HSPBAP1: variants seen among roughly 807,000 people sequenced by gnomAD.
The protein encoded by HSPBAP1 is HSPB1 associated protein 1.
In HSPBAP1, 27 loss-of-function variants were observed where a neutral mutation model predicts 45.2. The observed-to-expected ratio is 0.60, with a 90% CI of 0.44 to 0.82. HSPBAP1 has a LOEUF of 0.82. Ranked by LOEUF, HSPBAP1 falls within the 40% of genes least tolerant of loss-of-function variation. HSPBAP1 has a pLI of 0.00. For missense variants in HSPBAP1, 510 were observed against 590.9 expected (o/e 0.86, Z 1.42); for synonymous variants, 204 against 202.7 (o/e 1.01, Z -0.06).
At chr3:122,749,088 G>A (rs958525987) in intron 6 of HSPBAP1, among the ~76,000 whole-genome samples, 1 of 151,492 alleles carries the variant, frequency 6.6e-6, no homozygotes, top group African/African-American at 2.4e-5. Context: ...TATGCACTTT[G>A]TACATATAAG....
At chr3:122,765,580 CAA>C (rs58965358) in intron 3 of HSPBAP1, among the ~76,000 whole-genome samples, 10 of 58,786 alleles carry the variant, frequency 1.7e-4, no homozygotes, top group Non-Finnish European at 7.4e-5. Context: ...GACTCTGTCT[CAA>C]AAAAAAAAAA....
chr3:122,773,293 A>G (rs1935066402), intron 2 of HSPBAP1, among the ~76,000 whole-genome samples: 1 of 149,766 alleles, frequency 6.7e-6, no homozygotes, highest in African/African-American at 2.5e-5. Context: ...ACCAGCAATC[A>G]AATAAATGTG....
In HSPBAP1 at chr3:122,792,591, C is replaced by T. The variant is rs1218828387; in HGVS notation, c.64+1026G>A. ...TTTTCTGCTCCCTGACTTCCTGAAC[C>T]CCAGCACCACTCCCTGAGTTTGTCA... On this transcript the variant is annotated intron_variant, in intron 1 of 7. Transcript: ENST00000306103. 3.9e-5 allele frequency among the ~76,000 whole-genome samples: 6 copies of T among 152,058 alleles called. 1 individual carries two copies. Among genetic ancestry groups the T allele is most frequent in the Admixed American group, 3.9e-4 (6 of 15,258 alleles).
intron 5 of HSPBAP1, chr3:122,753,541 T>C (rs1332468774): frequency 6.1e-6 from 6 of 984,574 alleles, no homozygotes; most frequent in Admixed American, 6.2e-5. Context: ...TAGGAAGGTA[T>C]AATAAACAAA....
At chr3:122,787,386 A>T (rs776191820) in intron 1 of HSPBAP1, among the ~76,000 whole-genome samples, 20 of 152,220 alleles carry the variant, frequency 1.3e-4, no homozygotes, top group Non-Finnish European at 2.5e-4. Context: ...TTTGTATCTG[A>T]GATTTAGACT....
In HSPBAP1 at chr3:122,771,957, C is replaced by G. The variant is rs142102617; in HGVS notation, c.251-3075G>C. ...TCTAACTAGAAAACCCACAAGACAA[C>G]AAAAAACTACCTAGGCTAATAAGTA... On this transcript the variant is annotated intron_variant, in intron 2 of 7. Coordinates refer to ENST00000306103, the MANE Select transcript of HSPBAP1 (RefSeq NM_024610.6). Among the ~76,000 whole-genome samples, 1,091 of 147,090 alleles carry G rather than the reference C, an allele frequency of 7.4e-3. 5 individuals are homozygous for G. The highest frequency in any genetic ancestry group is 0.024 in the African/African-American group (943 of 39,588).
At chr3:122,772,161 T>G (rs908156860) in intron 2 of HSPBAP1, among the ~76,000 whole-genome samples, 4 of 152,292 alleles carry the variant, frequency 2.6e-5, no homozygotes, top group African/African-American at 9.6e-5. Flanking sequence ...GAGAGCCAAA[T>G]AGACTTGATA....
At chr3:122,778,219 T>C (rs1042262030) in intron 1 of HSPBAP1, among the ~76,000 whole-genome samples, 1 of 20,846 alleles carries the variant, frequency 4.8e-5, no homozygotes, top group Non-Finnish European at 2.0e-4. Context: ...TTTTTTGTTG[T>C]TTTTTTTTTT....
In HSPBAP1 at chr3:122,763,357, G is replaced by T. The variant is rs541620658; in HGVS notation, c.433-3997C>A. On this transcript the variant is annotated intron_variant, in intron 3 of 7. Transcript: ENST00000306103. ...CAAAATGTCTGTCATCTTGAATGTGGTGATGGTTTCTTGGGTGTAGGTATA... is the reference window on the plus strand; with the variant it reads ...CAAAATGTCTGTCATCTTGAATGTGTTGATGGTTTCTTGGGTGTAGGTATA... Among the ~76,000 whole-genome samples the T allele has an allele frequency of 7.2e-5, 11 of 152,226 alleles. No homozygotes were observed. The South Asian group carries it at 2.3e-3, about 32-fold the overall frequency.
At chr3:122,762,800 C>G (rs913447097) in intron 3 of HSPBAP1, among the ~76,000 whole-genome samples, 2 of 152,090 alleles carry the variant, frequency 1.3e-5, no homozygotes, top group East Asian at 3.9e-4. Context: ...TATAATCAAT[C>G]TTGATAAAGA....
chr3:122,786,789 A>G (rs931608252), intron 1 of HSPBAP1, among the ~76,000 whole-genome samples: 1 of 152,230 alleles, frequency 6.6e-6, no homozygotes, highest in Non-Finnish European at 1.5e-5. Context: ...ATAACAGGAA[A>G]TTAGCATATT....
chr3:122,772,161 T>C (rs908156860), intron 2 of HSPBAP1, among the ~76,000 whole-genome samples: 2 of 152,174 alleles, frequency 1.3e-5, no homozygotes, highest in African/African-American at 2.4e-5. Flanking sequence ...GAGAGCCAAA[T>C]AGACTTGATA....
chr3:122,740,257 C>T lies in HSPBAP1; in HGVS notation c.*88G>A, dbSNP rs1170566737. On this transcript the variant is annotated 3_prime_UTR_variant, in exon 8 of 8. Coordinates refer to ENST00000306103, the MANE Select transcript of HSPBAP1 (RefSeq NM_024610.6). ...ATACATTTACAAATGTGCAAACTGA[C>T]CTTTTGCTGGTTCATCTTTATTTTA... is the stretch of plus-strand genomic sequence containing the variant. The T allele has an allele frequency of 7.5e-6, 6 of 795,470 alleles. No homozygotes were observed. Among genetic ancestry groups the T allele is most frequent in the South Asian group, 3.0e-5 (1 of 33,356 alleles). 49.3% of individuals were successfully genotyped at this position (795,470 alleles called of 1,614,324 possible). A position where few individuals can be genotyped will look rare whatever the true frequency, so the allele number is the denominator to read the frequency against.
intron 6 of HSPBAP1, among the ~76,000 whole-genome samples, chr3:122,747,490 G>C (rs1456013038): frequency 6.6e-6 from 1 of 151,290 alleles, no homozygotes; most frequent in African/African-American, 2.4e-5. Flanking sequence ...GGAGGTCGGG[G>C]GGGTCAGCCC....
chr3:122,775,009 A>C (rs1210668219), intron 2 of HSPBAP1, among the ~76,000 whole-genome samples: 1 of 152,224 alleles, frequency 6.6e-6, no homozygotes, highest in Non-Finnish European at 1.5e-5. Flanking sequence ...ACTTGTAAGC[A>C]ATCTAAATCA....
intron 3 of HSPBAP1, among the ~76,000 whole-genome samples, chr3:122,761,148 G>A (rs914228588): frequency 6.6e-5 from 10 of 152,216 alleles, no homozygotes; most frequent in African/African-American, 2.4e-4. Context: ...TTTAACTAAA[G>A]GTAGCTGAAA....
intron 1 of HSPBAP1, among the ~76,000 whole-genome samples, chr3:122,779,361 T>G (rs1393525584): frequency 6.6e-6 from 1 of 151,670 alleles, no homozygotes; most frequent in Non-Finnish European, 1.5e-5. Context: ...CATTTTCTAG[T>G]TGAACAATAG....
Position 122,742,509 on chromosome 3 carries a change from G to C in HSPBAP1, c.826-1396C>G, listed in dbSNP as rs138532341. ...CAGAAACCTGGGAGTTCCTCAAAAG[G>C]TTAAACACAGAGTTACCATATGTAA... On this transcript the variant is annotated intron_variant, in intron 6 of 7. Transcript: ENST00000306103. Among the ~76,000 whole-genome samples, 248 of 152,242 alleles carry C rather than the reference G, an allele frequency of 1.6e-3. 2 individuals are homozygous for C. Among genetic ancestry groups the C allele is most frequent in the Admixed American group, 2.9e-3 (45 of 15,286 alleles).
chr3:122,781,282 C>G (rs1347619508), intron 1 of HSPBAP1, among the ~76,000 whole-genome samples: 3 of 152,152 alleles, frequency 2.0e-5, no homozygotes, highest in South Asian at 2.1e-4. Flanking sequence ...ACTGAGTGAA[C>G]GAGACTCCGC....
Sources: allele counts gnomAD v4.1 joint callset (sites outside exome capture counted in the v4.1 genomes callset), GRCh38; gene constraint gnomAD v4.1.1; transcripts MANE v1.5; gene names NCBI Gene and HGNC (gene_info 2026-07-23, HGNC 2026-07-21).